Variants in ENTREP2 observed in about 807,000 individuals in gnomAD.
The protein encoded by ENTREP2 is protein ENTREP2.
At chr15:29,223,411 C>A in the ENTREP2 span, among the ~76,000 whole-genome samples, 1 of 152,084 alleles carries the variant, frequency 6.6e-6, no homozygotes, top group South Asian at 2.1e-4. Flanking sequence ...TCCAATGGCT[C>A]TCTATCTTCC....
the ENTREP2 span, among the ~76,000 whole-genome samples, chr15:29,354,506 C>G: frequency 6.6e-6 from 1 of 152,100 alleles, no homozygotes; most frequent in Non-Finnish European, 1.5e-5. Context: ...AATTAAGACC[C>G]TTCTATCATG....
the ENTREP2 span, among the ~76,000 whole-genome samples, chr15:29,372,909 C>T: frequency 6.6e-6 from 1 of 151,654 alleles, no homozygotes; most frequent in Non-Finnish European, 1.5e-5. Context: ...AATGGTCATC[C>T]GTTAGGAAAA....
At chr15:29,362,935 T>C in the ENTREP2 span, among the ~76,000 whole-genome samples, 1,020 of 152,344 alleles carry the variant, frequency 6.7e-3, 7 homozygotes, top group African/African-American at 0.023. Context: ...GGTTAGACTA[T>C]CTTTCCCTGC....
At chr15:29,129,073 T>G in the ENTREP2 span, among the ~76,000 whole-genome samples, 5 of 152,192 alleles carry the variant, frequency 3.3e-5, no homozygotes, top group African/African-American at 1.2e-4. Flanking sequence ...TTTTCTTTTT[T>G]CTTTTTTTGA....
the ENTREP2 span, among the ~76,000 whole-genome samples, chr15:29,367,709 A>G: frequency 1.3e-5 from 2 of 152,174 alleles, no homozygotes; most frequent in Admixed American, 1.3e-4. Context: ...CAAGAGTCAC[A>G]CAGACCCCCT....
chr15:29,138,662 G>C, the ENTREP2 span, among the ~76,000 whole-genome samples: 1 of 150,396 alleles, frequency 6.6e-6, no homozygotes, highest in Non-Finnish European at 1.5e-5. Flanking sequence ...TGTGCATGTA[G>C]ATGTGTGTGT....
chr15:29,405,173 G>A, the ENTREP2 span, among the ~76,000 whole-genome samples: 3 of 152,148 alleles, frequency 2.0e-5, no homozygotes, highest in Non-Finnish European at 4.4e-5. Flanking sequence ...CAGATCACCT[G>A]AGGTCAGGAG....
the ENTREP2 span, among the ~76,000 whole-genome samples, chr15:29,567,400 C>A: frequency 6.6e-6 from 1 of 152,250 alleles, no homozygotes; most frequent in East Asian, 1.9e-4. Context: ...TAAAGTGGAC[C>A]CCTTTACCAG....
chr15:29,590,911 T>C, the ENTREP2 span, among the ~76,000 whole-genome samples: 1 of 152,178 alleles, frequency 6.6e-6, no homozygotes, highest in East Asian at 1.9e-4. Context: ...CCAGGGGATC[T>C]ATAATGTGAT....
the ENTREP2 span, among the ~76,000 whole-genome samples, chr15:29,166,887 A>G: frequency 6.6e-6 from 1 of 152,210 alleles, no homozygotes; most frequent in Non-Finnish European, 1.5e-5. Context: ...AAAAGAAAAA[A>G]TCTGGAGGCA....
the ENTREP2 span, among the ~76,000 whole-genome samples, chr15:29,545,863 T>C: frequency 6.6e-6 from 1 of 152,214 alleles, no homozygotes; most frequent in African/African-American, 2.4e-5. Flanking sequence ...AAATAAACAC[T>C]AAGCAATGTT....
chr15:29,628,733 T>G, the ENTREP2 span, among the ~76,000 whole-genome samples: 2 of 152,280 alleles, frequency 1.3e-5, no homozygotes, highest in South Asian at 4.1e-4. Context: ...GATCACTGTG[T>G]GTTTTTGGAT....
the ENTREP2 span, among the ~76,000 whole-genome samples, chr15:29,657,059 T>G: frequency 6.6e-6 from 1 of 152,064 alleles, no homozygotes; most frequent in African/African-American, 2.4e-5. Context: ...ACAGCTCTTT[T>G]CTTTTTGAGA....
At chr15:29,207,394 G>T in the ENTREP2 span, among the ~76,000 whole-genome samples, 2 of 140,856 alleles carry the variant, frequency 1.4e-5, no homozygotes, top group African/African-American at 5.2e-5. Flanking sequence ...AGTTTATTAC[G>T]AAGAGCAAGA....
chr15:29,136,564 C>G, the ENTREP2 span: 1 of 1,516,466 alleles, frequency 6.6e-7, no homozygotes, highest in East Asian at 2.6e-5. Flanking sequence ...GCTGACAGCT[C>G]TCAAAGCCGC....
At chr15:29,183,634 G>A in the ENTREP2 span, among the ~76,000 whole-genome samples, 2 of 152,178 alleles carry the variant, frequency 1.3e-5, no homozygotes, top group Non-Finnish European at 2.9e-5. Flanking sequence ...TTATCTACAT[G>A]GATCAGTATC....
the ENTREP2 span, among the ~76,000 whole-genome samples, chr15:29,125,083 T>C: frequency 3.3e-5 from 5 of 152,120 alleles, no homozygotes; most frequent in African/African-American, 1.2e-4. Flanking sequence ...GCCTGCGGCG[T>C]GCACATCAGC....
the ENTREP2 span, chr15:29,128,851 C>T: frequency 0.08 from 124,094 of 1,548,296 alleles, 6,110 homozygotes; most frequent in East Asian, 0.2. Context: ...CACCTGCTGA[C>T]CTATACTTGT....
chr15:29,448,990 T>C, the ENTREP2 span, among the ~76,000 whole-genome samples: 6 of 152,166 alleles, frequency 3.9e-5, no homozygotes, highest in Admixed American at 2.0e-4. Flanking sequence ...GTCTCCAGCC[T>C]GGGATGGAGC....
Sources: gnomAD v4.1 joint callset for allele counts (sites outside exome capture counted in the v4.1 genomes callset) on GRCh38, gnomAD v4.1.1 for gene constraint, MANE v1.5 for transcripts, NCBI Gene and HGNC (gene_info 2026-07-23, HGNC 2026-07-21) for gene names.